ATP6V1C2: variants seen among roughly 807,000 people sequenced by gnomAD.
The protein encoded by ATP6V1C2 is ATPase H+ transporting V1 subunit C2.
Under a neutral mutation model 56.8 loss-of-function variants are expected in ATP6V1C2, and 45 were observed. The observed-to-expected ratio is 0.79, with a 90% CI of 0.62 to 1.02. ATP6V1C2 has a LOEUF of 1.02. Among genes scored for constraint, ATP6V1C2 ranks in the 50% least tolerant of loss-of-function variants. The probability of loss-of-function intolerance (pLI) is 0.00; values close to 1 mark genes in which losing one functional copy is unlikely to be tolerated. For missense variants in ATP6V1C2, 463 were observed against 519.7 expected (o/e 0.89, Z 1.06); for synonymous variants, 220 against 201.3 (o/e 1.09, Z -0.79).
intron 3 of ATP6V1C2, among the ~76,000 whole-genome samples, chr2:10,734,429 T>C (rs1413738382): frequency 2.6e-5 from 4 of 152,206 alleles, no homozygotes. Context: ...CATATTTTTC[T>C]TCCCTGTCTT....
At chr2:10,731,321 G>T (rs1483943006) in intron 3 of ATP6V1C2, among the ~76,000 whole-genome samples, 1 of 152,132 alleles carries the variant, frequency 6.6e-6, no homozygotes, top group African/African-American at 2.4e-5. Context: ...GCTCTCAGAC[G>T]AATGAAGGGA....
At chr2:10,764,160 C>G (rs1304896679) in intron 4 of ATP6V1C2, among the ~76,000 whole-genome samples, 171 bp from the exon 5 acceptor site, 1 of 152,210 alleles carries the variant, frequency 6.6e-6, no homozygotes, top group Non-Finnish European at 1.5e-5. Flanking sequence ...GCTCACAGCT[C>G]CCCGCTCCCG....
Position 10,784,865 on chromosome 2 carries a change from C to A in ATP6V1C2, c.*1602C>A. On this transcript the variant is annotated 3_prime_UTR_variant, in exon 14 of 14. Coordinates refer to ENST00000272238, the MANE Select transcript of ATP6V1C2 (RefSeq NM_001039362.2). Reference sequence around the variant, plus strand: ...GATGGGAAGGACTTGACTCCAGGTGCAGAGATGCACAGGCTCAAGAGAGTA... The same window carrying A: ...GATGGGAAGGACTTGACTCCAGGTGAAGAGATGCACAGGCTCAAGAGAGTA... 8.6e-7 allele frequency: 1 copy of A among 1,157,670 alleles called. No individual in the cohort carries two copies. The allele number at this position is 1,157,670 out of a possible 1,614,324, so 71.7% of individuals were successfully genotyped here. A position where few individuals can be genotyped will look rare whatever the true frequency, so the allele number is the denominator to read the frequency against.
At chr2:10,761,211 C>T (rs1028785907) in intron 4 of ATP6V1C2, among the ~76,000 whole-genome samples, 10 of 152,038 alleles carry the variant, frequency 6.6e-5, no homozygotes, top group African/African-American at 2.2e-4. Flanking sequence ...TCAGAGGGGA[C>T]GGGGTAGGAG....
chr2:10,724,787 CT>C (rs1239286563), intron 2 of ATP6V1C2, among the ~76,000 whole-genome samples: 3 of 151,616 alleles, frequency 2.0e-5, no homozygotes, highest in Non-Finnish European at 4.4e-5. Context: ...ATTCTCCTGC[CT>C]CAGCCTCCCC....
chr2:10,779,832 TTTG>T (rs1665239347), intron 12 of ATP6V1C2, among the ~76,000 whole-genome samples: 1 of 151,784 alleles, frequency 6.6e-6, no homozygotes, highest in Admixed American at 6.6e-5. Flanking sequence ...AGGTGTAGGT[TTTG>T]TTGTTTTTTT....
At chr2:10,730,307 G>A (rs150332320) in intron 3 of ATP6V1C2, among the ~76,000 whole-genome samples, 250 of 152,084 alleles carry the variant, frequency 1.6e-3, no homozygotes, top group African/African-American at 5.8e-3. Flanking sequence ...GTAGAGATGG[G>A]GTTTCACCAT....
chr2:10,757,534 T>C (rs1405283694), intron 4 of ATP6V1C2: 13 of 398,330 alleles, frequency 3.3e-5, no homozygotes, highest in Middle Eastern at 1.2e-3. Context: ...CTCGGTCTGG[T>C]TGTATTGGTA....
At chr2:10,752,186 A>G (rs1663257475) in intron 3 of ATP6V1C2, among the ~76,000 whole-genome samples, 1 of 152,180 alleles carries the variant, frequency 6.6e-6, no homozygotes, top group Non-Finnish European at 1.5e-5. Context: ...TGGTTGTTCA[A>G]TTTTTGTTAA....
chr2:10,784,282 A>G lies in ATP6V1C2; in HGVS notation c.*1019A>G, dbSNP rs1422573330. 6.2e-7 allele frequency: 1 copy of G among 1,613,342 alleles called. No homozygotes were observed. The highest frequency in any genetic ancestry group is 1.3e-5 in the African/African-American group (1 of 74,888). On this transcript the variant is annotated 3_prime_UTR_variant, in exon 14 of 14. Transcript: ENST00000272238. ...CTCACAACTCATCTTTCCCTAAGTCATCAAGCTCCACATCACTGAGGTCAA... is the reference window on the plus strand; with the variant it reads ...CTCACAACTCATCTTTCCCTAAGTCGTCAAGCTCCACATCACTGAGGTCAA...
chr2:10,764,702 T>C (rs1686505), intron 5 of ATP6V1C2, among the ~76,000 whole-genome samples: 1 of 152,230 alleles, frequency 6.6e-6, no homozygotes, highest in African/African-American at 2.4e-5. Flanking sequence ...CCGGGCACGG[T>C]GGCTTACGCC....
At chr2:10,754,866 C>T (rs1437918162) in intron 4 of ATP6V1C2, among the ~76,000 whole-genome samples, 5 of 151,934 alleles carry the variant, frequency 3.3e-5, no homozygotes, top group African/African-American at 7.3e-5. Flanking sequence ...CGTGAGCCAC[C>T]GCGCCCGGCC....
At chr2:10,770,699 G>A (rs375529609) in intron 6 of ATP6V1C2, among the ~76,000 whole-genome samples, 36 of 152,178 alleles carry the variant, frequency 2.4e-4, no homozygotes, top group African/African-American at 8.0e-4. Context: ...TCATTGATTC[G>A]CAGTGACTTT....
chr2:10,752,003 G>A (rs62128992), intron 3 of ATP6V1C2, among the ~76,000 whole-genome samples: 28,812 of 151,742 alleles, frequency 0.19, 3,140 homozygotes, highest in East Asian at 0.36. Flanking sequence ...AGGCTGCAAT[G>A]AGCTGTGATC....
In ATP6V1C2 at chr2:10,784,583, G is replaced by T; in HGVS notation, c.*1320G>T. The stretch of plus-strand genomic sequence containing the variant: ...CACTTGAACGTGTCCTTTTGAGGAG[G>T]GTGGGACACAACAGTACAGAAATAA... On this transcript the variant is annotated 3_prime_UTR_variant, in exon 14 of 14. Coordinates refer to ENST00000272238, the MANE Select transcript of ATP6V1C2 (RefSeq NM_001039362.2). 1.9e-6 allele frequency: 1 copy of T among 524,324 alleles called. No individual in the cohort carries two copies. Among genetic ancestry groups the T allele is most frequent in the Non-Finnish European group, 3.3e-6 (1 of 299,022 alleles). The allele number at this position is 524,324 out of a possible 1,614,324, so 32.5% of individuals were successfully genotyped here.
At chr2:10,769,269 T>C (rs1010417439) in intron 6 of ATP6V1C2, among the ~76,000 whole-genome samples, 1 of 152,140 alleles carries the variant, frequency 6.6e-6, no homozygotes, top group Admixed American at 6.5e-5. Flanking sequence ...GAAGAACCAC[T>C]GTGTGGGAGA....
chr2:10,764,490 G>A (rs1042902704), intron 5 of ATP6V1C2, 65 bp downstream of exon 5: 5 of 1,401,798 alleles, frequency 3.6e-6, no homozygotes, highest in Admixed American at 1.7e-5. Flanking sequence ...AGCCTGGGTA[G>A]GGCCCCCCTG....
intron 13 of ATP6V1C2, 39 bp downstream of exon 13, chr2:10,782,414 C>A (rs778597784): frequency 2.5e-6 from 4 of 1,602,866 alleles, no homozygotes; most frequent in Non-Finnish European, 3.4e-6. Context: ...ACAGTAAGCT[C>A]AGCATCTTAC....
At chr2:10,767,159 CTTT>C (rs33943682) in intron 5 of ATP6V1C2, among the ~76,000 whole-genome samples, 1 of 109,328 alleles carries the variant, frequency 9.1e-6, no homozygotes, top group Non-Finnish European at 1.7e-5. Flanking sequence ...CATTTTTTAT[CTTT>C]TTTTTTTTTT....
Sources: gnomAD v4.1 joint callset for allele counts (sites outside exome capture counted in the v4.1 genomes callset) on GRCh38, gnomAD v4.1.1 for gene constraint, MANE v1.5 for transcripts, NCBI Gene and HGNC (gene_info 2026-07-23, HGNC 2026-07-21) for gene names.